Variants in MYEOV observed in about 807,000 individuals in gnomAD.
MYEOV encodes the protein myeloma-overexpressed gene protein.
A neutral mutation model predicts 4.5 loss-of-function variants in MYEOV; 4 were observed. The observed-to-expected ratio is 0.89, with a 90% CI of 0.44 to 2.03. The LOEUF is 2.03. MYEOV is among the 30% of genes most tolerant of loss of function. The pLI is 0.03. For synonymous variants in MYEOV, 184 were observed against 170.3 expected, an observed-to-expected ratio of 1.08 and a Z score of -0.63; for missense variants, 408 against 412.8, an observed-to-expected ratio of 0.99 and a Z score of 0.10.
intron 1 of MYEOV, among the ~76,000 whole-genome samples, 195 bp downstream of exon 1, chr11:69,294,771 G>A (rs1486674587): frequency 1.3e-5 from 2 of 152,148 alleles, no homozygotes; most frequent in Non-Finnish European, 2.9e-5. Context: ...CGGCTCGGGA[G>A]TGACCAAGCC....
chr11:69,295,561 C>T lies in MYEOV; in HGVS notation c.142-31C>T, dbSNP rs376860566. The T allele has an allele frequency of 6.2e-7, 1 of 1,612,170 alleles. No homozygotes were observed. The highest frequency in any genetic ancestry group is 8.5e-7 in the Non-Finnish European group (1 of 1,178,848). ...GTGGGTGAATGCCACCTGCTGATGTCTGATTTATTCATCGGTTTTCTTGTC... is the reference window on the plus strand; with the variant it reads ...GTGGGTGAATGCCACCTGCTGATGTTTGATTTATTCATCGGTTTTCTTGTC... On this transcript the variant is annotated intron_variant, in intron 2 of 2. Coordinates refer to ENST00000441339, the MANE Select transcript of MYEOV (RefSeq NM_001293291.2). This position sits in a 1 kb window ranked among gnomAD's most constrained non-coding sequence, Gnocchi z 4.1.
At position 69,296,432 on chromosome 11, in the gene MYEOV, A is replaced by G. The variant is rs1855203332; in HGVS notation, c.*40A>G. 1.6e-6 allele frequency: 2 copies of G among 1,273,606 alleles called. No individual in the cohort carries two copies. The highest frequency in any genetic ancestry group is 1.5e-5 in the African/African-American group (1 of 66,174). The allele number at this position is 1,273,606 out of a possible 1,614,324, so 78.9% of individuals were successfully genotyped here. ...CCAAGTGGTTTATATGCCCAGCCTC[A>G]TTTAATCCTCAGAATGACTCCATGA... On this transcript the variant is annotated 3_prime_UTR_variant, in exon 3 of 3. Transcript: ENST00000441339.
Position 69,295,280 on chromosome 11 carries a change from A to G in MYEOV, c.-75A>G. The stretch of plus-strand genomic sequence containing the variant: ...TTCATCTCAGACCCTAAATCCAGCC[A>G]CGTCATGCCACGCTTAACACCTCTA... On this transcript the variant is annotated 5_prime_UTR_variant, in exon 2 of 3. Transcript: ENST00000441339. The surrounding 1 kb of genome is among the most constrained non-coding windows in gnomAD (Gnocchi z 4.1). 2.0e-6 allele frequency: 3 copies of G among 1,522,698 alleles called. No homozygotes were observed. Among genetic ancestry groups the G allele is most frequent in the Admixed American group, 2.1e-5 (1 of 48,616 alleles). The allele number at this position is 1,522,698 out of a possible 1,614,324, so 94.3% of individuals were successfully genotyped here. A position where few individuals can be genotyped will look rare whatever the true frequency, so the allele number is the denominator to read the frequency against.
rs1191875884 is a variant in MYEOV, at chr11:69,295,527, T to G, written c.141+32T>G. ...ACACTTCCCTGACCCCAGTAACCTC[T>G]TCTCTTGGGTGGGTGAATGCCACCT... On this transcript the variant is annotated intron_variant, in intron 2 of 2. Transcript: ENST00000441339. This position sits in a 1 kb window ranked among gnomAD's most constrained non-coding sequence, Gnocchi z 4.1. The G allele has an allele frequency of 6.2e-7, 1 of 1,613,514 alleles. No individual in the cohort carries two copies.
Position 69,295,944 on chromosome 11 carries a change from T to C in MYEOV, c.494T>C (p.Leu165Pro), listed in dbSNP as rs941470852. 6.2e-7 allele frequency: 1 copy of C among 1,614,012 alleles called. No individual in the cohort carries two copies. The highest frequency in any genetic ancestry group is 8.5e-7 in the Non-Finnish European group (1 of 1,180,016). The change falls in exon 3 of 3, where the codon CTG becomes CCG. Residue 165 changes from leucine to proline, a missense_variant. Physicochemically the swap from Leu to Pro is moderately conservative, Grantham distance 98. Transcript: ENST00000441339. This position sits in a 1 kb window ranked among gnomAD's most constrained non-coding sequence, Gnocchi z 4.1. ...QSARVVGVAH[L>P]GEAFRVGVEQ... ...GCAAGGGTGGTGGGCGTTGCTCACC[T>C]GGGAGAAGCCTTTAGAGTGGGCGTT...
At position 69,295,739 on chromosome 11, in the gene MYEOV, C is replaced by T; in HGVS notation, c.289C>T (p.Leu97=). The change falls in exon 3 of 3, where the codon CTG becomes TTG. Residue 97 remains leucine, a synonymous_variant. Transcript: ENST00000441339. The surrounding 1 kb of genome is among the most constrained non-coding windows in gnomAD (Gnocchi z 4.1). The part of the protein sequence containing the change: ...RVAVRGAFVS[L]WFAAGAGDRE... ...TGCGGTGAGAGGAGCATTTGTGTCT[C>T]TGTGGTTTGCTGCTGGAGCTGGTGA... 6.2e-7 allele frequency: 1 copy of T among 1,614,114 alleles called. No individual in the cohort carries two copies. Among genetic ancestry groups the T allele is most frequent in the South Asian group, 1.1e-5 (1 of 91,074 alleles).
In MYEOV at chr11:69,296,451, T is replaced by TCCATGAGG; in HGVS notation, c.*60_*67dup. On this transcript the variant is annotated 3_prime_UTR_variant, in exon 3 of 3. Coordinates refer to ENST00000441339, the MANE Select transcript of MYEOV (RefSeq NM_001293291.2). ...AGCCTCATTTAATCCTCAGAATGAC[T>TCCATGAGG]CCATGAGGTAGCTACTAAAACCCCC... 1 of 1,129,426 alleles carries TCCATGAGG rather than the reference T, an allele frequency of 8.9e-7. No individual in the cohort carries two copies. Among genetic ancestry groups the TCCATGAGG allele is most frequent in the South Asian group, 1.7e-5 (1 of 58,166 alleles). 70.0% of individuals were successfully genotyped at this position (1,129,426 alleles called of 1,614,324 possible). A position where few individuals can be genotyped will look rare whatever the true frequency, so the allele number is the denominator to read the frequency against.
chr11:69,295,861 A>G lies in MYEOV; in HGVS notation c.411A>G (p.Thr137=), dbSNP rs1263437180. 1.2e-6 allele frequency: 2 copies of G among 1,614,174 alleles called. No homozygotes were observed. The highest frequency in any genetic ancestry group is 1.1e-5 in the South Asian group (1 of 91,084). Reference sequence around the variant, plus strand: ...ACGTGTCCCGGGCCAGGAGGGTCACAGATGCACCACAAGGCACTCTGTGTG... The same window carrying G: ...ACGTGTCCCGGGCCAGGAGGGTCACGGATGCACCACAAGGCACTCTGTGTG... ...DVDVSRARRV[T]DAPQGTLCGT... is the part of the protein sequence containing the mutation. Residue 137 remains threonine, a synonymous_variant, in exon 3 of 3, where the codon ACA becomes ACG. Coordinates refer to ENST00000441339, the MANE Select transcript of MYEOV (RefSeq NM_001293291.2). The surrounding 1 kb of genome is among the most constrained non-coding windows in gnomAD (Gnocchi z 4.1).
rs1855208716 is a variant in MYEOV, at chr11:69,296,615, A to G, written c.*223A>G. On this transcript the variant is annotated 3_prime_UTR_variant, in exon 3 of 3. Transcript: ENST00000441339. Reference sequence around the variant, plus strand: ...TTCCCTGCCTCTTCCCTAACTAGACAATTTTTTATTGAGTGTCTCCCAGGT... The same window carrying G: ...TTCCCTGCCTCTTCCCTAACTAGACGATTTTTTATTGAGTGTCTCCCAGGT... 4.7e-6 allele frequency: 2 copies of G among 425,530 alleles called. No individual in the cohort carries two copies. Among genetic ancestry groups the G allele is most frequent in the Non-Finnish European group, 8.3e-6 (2 of 241,292 alleles). 26.4% of individuals were successfully genotyped at this position (425,530 alleles called of 1,614,324 possible).
Position 69,295,445 on chromosome 11 carries a change from T to C in MYEOV, c.91T>C (p.Trp31Arg), listed in dbSNP as rs1263746309. Residue 31 changes from tryptophan to arginine, a missense_variant, in exon 2 of 3, where the codon TGG (tryptophan) becomes CGG (arginine). Physicochemically the swap from Trp to Arg is moderately radical, Grantham distance 101. Coordinates refer to ENST00000441339, the MANE Select transcript of MYEOV (RefSeq NM_001293291.2). This position sits in a 1 kb window ranked among gnomAD's most constrained non-coding sequence, Gnocchi z 4.1. The stretch of plus-strand genomic sequence containing the variant: ...CCTCTGCCTGGAACAGTCTCCCTCC[T>C]GGTGTCATTGTCTCCGTGGTGTGTC... ...CCLCLEQSPS[W>R]CHCLRGVSFL... 1.9e-6 allele frequency: 3 copies of C among 1,614,056 alleles called. No individual in the cohort carries two copies. The highest frequency in any genetic ancestry group is 2.7e-5 in the African/African-American group (2 of 74,924).
Position 69,296,614 on chromosome 11 carries a change from C to T in MYEOV, c.*222C>T, listed in dbSNP as rs1855208641. 1 of 430,346 alleles carries T rather than the reference C, an allele frequency of 2.3e-6. No homozygotes were observed. Among genetic ancestry groups the T allele is most frequent in the Non-Finnish European group, 4.1e-6 (1 of 244,064 alleles). 26.7% of individuals were successfully genotyped at this position (430,346 alleles called of 1,614,324 possible). On this transcript the variant is annotated 3_prime_UTR_variant, in exon 3 of 3. Coordinates refer to ENST00000441339, the MANE Select transcript of MYEOV (RefSeq NM_001293291.2). ...CTTCCCTGCCTCTTCCCTAACTAGA[C>T]AATTTTTTATTGAGTGTCTCCCAGG... is the stretch of plus-strand genomic sequence containing the variant.
At position 69,296,349 on chromosome 11, in the gene MYEOV, A is replaced by T. The variant is rs772215278; in HGVS notation, c.899A>T (p.His300Leu). Residue 300 changes from histidine (H) to leucine (L), a missense_variant, in exon 3 of 3, where the codon CAC becomes CTC. His to Leu is a moderately conservative substitution (Grantham distance 99, BLOSUM62 -3). Transcript: ENST00000441339. ...TCAGGTGCTTCTCCTCTCCTCCTCC[A>T]CCACCTCCTCCTCCTCCTCCTCATC... The part of the protein sequence containing the change: ...PVSGASPLLL[H>L]HLLLLLLIII... 1 of 1,490,348 alleles carries T rather than the reference A, an allele frequency of 6.7e-7. No homozygotes were observed. The allele number at this position is 1,490,348 out of a possible 1,614,324, so 92.3% of individuals were successfully genotyped here.
chr11:69,296,840 T>C lies in MYEOV; in HGVS notation c.*448T>C, dbSNP rs1855215054. ...GAAGCGTGTTGCAATCCATGAGTGA[T>C]GTCTGCCATGCGTACAGGCATGGAG... is the stretch of plus-strand genomic sequence containing the variant. On this transcript the variant is annotated 3_prime_UTR_variant, in exon 3 of 3. Coordinates refer to ENST00000441339, the MANE Select transcript of MYEOV (RefSeq NM_001293291.2). 6.1e-6 allele frequency: 1 copy of C among 165,284 alleles called. No homozygotes were observed. The highest frequency in any genetic ancestry group is 1.7e-4 in the South Asian group (1 of 6,030). The allele number at this position is 165,284 out of a possible 1,614,324, so 10.2% of individuals were successfully genotyped here. A position where few individuals can be genotyped will look rare whatever the true frequency, so the allele number is the denominator to read the frequency against.
Position 69,296,200 on chromosome 11 carries a change from G to A in MYEOV, c.750G>A (p.Trp250Ter), listed in dbSNP as rs1855191716. ...HRHPTPHCSTWGLPLRVAGSW... is the reference protein window; with the variant it reads ...HRHPTPHCST Reference sequence around the variant, plus strand: ...ACCCCACCCCTCACTGCTCCACCTGGGGCCTGCCTCTGCGGGTGGCTGGGT... The same window carrying A: ...ACCCCACCCCTCACTGCTCCACCTGAGGCCTGCCTCTGCGGGTGGCTGGGT... The change falls in exon 3 of 3, where the codon TGG (tryptophan) becomes TGA (stop). Residue 250 changes from tryptophan to a stop codon, truncating the protein, a stop_gained. Transcript: ENST00000441339. LOFTEE classifies it low-confidence loss of function (END_TRUNC). 1 of 1,612,820 alleles carries A rather than the reference G, an allele frequency of 6.2e-7. No homozygotes were observed. Among genetic ancestry groups the A allele is most frequent in the Non-Finnish European group, 8.5e-7 (1 of 1,179,140 alleles).
In MYEOV at chr11:69,297,009, C is replaced by T. The variant is rs926364398; in HGVS notation, c.*617C>T. The T allele has an allele frequency of 2.0e-5, 3 of 152,194 alleles. No homozygotes were observed. The highest frequency in any genetic ancestry group is 2.9e-5 in the Non-Finnish European group (2 of 68,052). 9.4% of individuals were successfully genotyped at this position (152,194 alleles called of 1,614,324 possible). ...CCATTTTCCAGGGAGAAATCTAAGG[C>T]GTCAGAATGTAAGGTTCTTATTGGA... On this transcript the variant is annotated 3_prime_UTR_variant, in exon 3 of 3. Transcript: ENST00000441339.
At position 69,295,549 on chromosome 11, in the gene MYEOV, A is replaced by G. The variant is rs201404318; in HGVS notation, c.142-43A>G. On this transcript the variant is annotated intron_variant, in intron 2 of 2. Coordinates refer to ENST00000441339, the MANE Select transcript of MYEOV (RefSeq NM_001293291.2). This position sits in a 1 kb window ranked among gnomAD's most constrained non-coding sequence, Gnocchi z 4.1. ...CTCTTCTCTTGGGTGGGTGAATGCCACCTGCTGATGTCTGATTTATTCATC... is the reference window on the plus strand; with the variant it reads ...CTCTTCTCTTGGGTGGGTGAATGCCGCCTGCTGATGTCTGATTTATTCATC... 34 of 1,612,450 alleles carry G rather than the reference A, an allele frequency of 2.1e-5. No homozygotes were observed. Among genetic ancestry groups the G allele is most frequent in the Middle Eastern group, 1.6e-4 (1 of 6,078 alleles).
Position 69,296,169 on chromosome 11 carries a change from A to G in MYEOV, c.719A>G (p.His240Arg). 1 of 1,613,952 alleles carries G rather than the reference A, an allele frequency of 6.2e-7. No homozygotes were observed. Among genetic ancestry groups the G allele is most frequent in the Non-Finnish European group, 8.5e-7 (1 of 1,179,924 alleles). The change falls in exon 3 of 3, where the codon CAC (histidine) becomes CGC (arginine). Residue 240 changes from histidine (H) to arginine (R), a missense_variant. Physicochemically the swap from His to Arg is conservative, Grantham distance 29. Coordinates refer to ENST00000441339, the MANE Select transcript of MYEOV (RefSeq NM_001293291.2). Reference protein sequence around the residue: ...ERGRRACLTLHRHPTPHCSTW... With the variant: ...ERGRRACLTLRRHPTPHCSTW... ...GGAAGAAGAGCATGCCTGACCCTCC[A>G]CCGGCACCCCACCCCTCACTGCTCC...
Position 69,296,257 on chromosome 11 carries a change from G to A in MYEOV, c.807G>A (p.Leu269=), listed in dbSNP as rs752430876. Residue 269 remains leucine, a synonymous_variant, in exon 3 of 3, where the codon CTG becomes CTA. Transcript: ENST00000441339. ...SWLTVVTVEA[L]GGWRMGVRRT... ...TGACTGTTGTGACTGTTGAGGCCCT[G>A]GGGGGGTGGCGCATGGGAGTTAGGA... 6 of 1,585,514 alleles carry A rather than the reference G, an allele frequency of 3.8e-6. No individual in the cohort carries two copies. Among genetic ancestry groups the A allele is most frequent in the South Asian group, 2.3e-5 (2 of 87,090 alleles).
chr11:69,296,121 C>T lies in MYEOV; in HGVS notation c.671C>T (p.Ser224Leu), dbSNP rs138762742. 1.8e-4 allele frequency: 294 copies of T among 1,614,150 alleles called. No individual in the cohort carries two copies. Among genetic ancestry groups the T allele is most frequent in the Middle Eastern group, 1.5e-3 (9 of 6,062 alleles). The change falls in exon 3 of 3, where the codon TCG becomes TTG. Residue 224 changes from serine (S) to leucine (L), a missense_variant. Coordinates refer to ENST00000441339, the MANE Select transcript of MYEOV (RefSeq NM_001293291.2). ...GCACTCTGCATGACCCTGGCAGAAT[C>T]GAGCTGCCCTGACTATGAAAGGGGA... ...AGALCMTLAE[S>L]SCPDYERGRR...
Sources: gnomAD v4.1 joint callset for allele counts (sites outside exome capture counted in the v4.1 genomes callset) on GRCh38, gnomAD v4.1.1 for gene constraint, Gnocchi (gnomAD v3.1) non-coding constraint, MANE v1.5 for transcripts, NCBI Gene and HGNC (gene_info 2026-07-23, HGNC 2026-07-21) for gene names.